Variants in KIRREL3 observed in about 807,000 individuals in gnomAD.
KIRREL3 encodes kirre like nephrin family adhesion molecule 3.
KIRREL3 carries 36 observed loss-of-function variants against 89.7 expected under a neutral mutation model. That is an observed-to-expected ratio of 0.40 (90% CI 0.31 to 0.53). KIRREL3 has a LOEUF of 0.53. Ranked by LOEUF, KIRREL3 falls within the 20% of genes least tolerant of loss-of-function variation. KIRREL3 has a pLI of 0.49. For synonymous variants in KIRREL3, 445 were observed against 441.4 expected (o/e 1.01, Z -0.10); for missense variants, 864 against 1,056.6 (o/e 0.82, Z 2.53).
intron 1 of KIRREL3, among the ~76,000 whole-genome samples, chr11:126,846,951 T>TA (rs1287937439): frequency 7.1e-6 from 1 of 141,352 alleles, no homozygotes. Context: ...AACATTTGAA[T>TA]AAAAGCATAA....
intron 1 of KIRREL3, among the ~76,000 whole-genome samples, chr11:126,699,528 T>C (rs1438215391): frequency 1.3e-5 from 2 of 152,258 alleles, no homozygotes; most frequent in African/African-American, 4.8e-5. Flanking sequence ...TAGTATGTTT[T>C]ATTTTAGTAA....
At position 126,772,512 on chromosome 11, in the gene KIRREL3, G is replaced by A. The variant is rs1008713939; in HGVS notation, c.56-209600C>T. ...CTATTCTGATGACCTGAAATGGCAT[G>A]TGTGTGACATGTGTGTTTCACCTCC... On this transcript the variant is annotated intron_variant, in intron 1 of 16. Coordinates refer to ENST00000525144, the MANE Select transcript of KIRREL3 (RefSeq NM_032531.4). This position sits in a 1 kb window ranked among gnomAD's most constrained non-coding sequence, Gnocchi z 4.6. Among the ~76,000 whole-genome samples, 2 of 152,206 alleles carry A rather than the reference G, an allele frequency of 1.3e-5. No individual in the cohort carries two copies. The highest frequency in any genetic ancestry group is 2.4e-5 in the African/African-American group (1 of 41,460).
intron 1 of KIRREL3, among the ~76,000 whole-genome samples, chr11:126,593,449 G>A (rs1363277083): frequency 6.6e-6 from 1 of 152,180 alleles, no homozygotes; most frequent in Non-Finnish European, 1.5e-5. Context: ...CCAGGGAGGG[G>A]CCCTCGTGCT....
intron 1 of KIRREL3, among the ~76,000 whole-genome samples, chr11:126,658,923 C>CAA (rs1945274317): frequency 6.6e-6 from 1 of 152,294 alleles, no homozygotes; most frequent in African/African-American, 2.4e-5. Flanking sequence ...GGAAGTTGTC[C>CAA]AAAGTGACAA....
In KIRREL3 at chr11:126,729,692, C is replaced by T. The variant is rs1294253024; in HGVS notation, c.56-166780G>A. Reference sequence around the variant, plus strand: ...GGACCCTCCGTAGATACTCATGGGGCCCCGGGCACTCCACTGGACAGGTGA... The same window carrying T: ...GGACCCTCCGTAGATACTCATGGGGTCCCGGGCACTCCACTGGACAGGTGA... On this transcript the variant is annotated intron_variant, in intron 1 of 16. Transcript: ENST00000525144. This position sits in a 1 kb window ranked among gnomAD's most constrained non-coding sequence, Gnocchi z 4.5. Among the ~76,000 whole-genome samples the T allele has an allele frequency of 9.3e-6, 1 of 107,836 alleles. No individual in the cohort carries two copies. Among genetic ancestry groups the T allele is most frequent in the Non-Finnish European group, 2.1e-5 (1 of 46,600 alleles). 70.7% of individuals were successfully genotyped at this position (107,836 alleles called of 152,430 possible). A position where few individuals can be genotyped will look rare whatever the true frequency, so the allele number is the denominator to read the frequency against.
At chr11:126,786,970 G>T (rs953836773) in intron 1 of KIRREL3, among the ~76,000 whole-genome samples, 1 of 152,342 alleles carries the variant, frequency 6.6e-6, no homozygotes, top group Middle Eastern at 3.4e-3. Context: ...AGCAGGGGTT[G>T]GAAGGGAGAG....
rs1405937192 is a variant in KIRREL3 at position 126,867,851 on chromosome 11, G to T, written c.55+132604C>A. Among the ~76,000 whole-genome samples the T allele has an allele frequency of 6.6e-6, 1 of 152,054 alleles. No homozygotes were observed. The highest frequency in any genetic ancestry group is 1.5e-5 in the Non-Finnish European group (1 of 68,014). The stretch of plus-strand genomic sequence containing the variant: ...GATTTTTAGGTTTGAGTTTAGTTCT[G>T]CAATAAAACTGTGGACTCCCCACGG... On this transcript the variant is annotated intron_variant, in intron 1 of 16. Coordinates refer to ENST00000525144, the MANE Select transcript of KIRREL3 (RefSeq NM_032531.4). The surrounding 1 kb of genome is among the most constrained non-coding windows in gnomAD (Gnocchi z 4.7).
At chr11:126,950,244 G>A (rs1323901666) in intron 1 of KIRREL3, among the ~76,000 whole-genome samples, 1 of 152,112 alleles carries the variant, frequency 6.6e-6, no homozygotes, top group Non-Finnish European at 1.5e-5. Flanking sequence ...ATGGTGGCGA[G>A]CACTCCCAGC....
At chr11:126,446,137 A>T (rs1254294444) in intron 9 of KIRREL3, among the ~76,000 whole-genome samples, 6 of 138,862 alleles carry the variant, frequency 4.3e-5, no homozygotes, top group Non-Finnish European at 9.4e-5. Context: ...AACAAGCGCA[A>T]AACTCCATCT....
At chr11:126,649,351 C>G (rs1371650645) in intron 1 of KIRREL3, among the ~76,000 whole-genome samples, 1 of 152,144 alleles carries the variant, frequency 6.6e-6, no homozygotes, top group East Asian at 1.9e-4. Flanking sequence ...CTCATTTCAC[C>G]ATTAACCCAA....
At chr11:126,850,999 GA>G (rs765773924) in intron 1 of KIRREL3, among the ~76,000 whole-genome samples, 2 of 152,240 alleles carry the variant, frequency 1.3e-5, no homozygotes, top group Non-Finnish European at 2.9e-5. Context: ...ACTAGCTGTT[GA>G]AAGTTCAGCC....
chr11:126,496,200 G>T lies in KIRREL3; in HGVS notation c.434-22734C>A, dbSNP rs1957650810. Among the ~76,000 whole-genome samples the T allele has an allele frequency of 6.6e-6, 1 of 152,212 alleles. No homozygotes were observed. On this transcript the variant is annotated intron_variant, in intron 4 of 16. Coordinates refer to ENST00000525144, the MANE Select transcript of KIRREL3 (RefSeq NM_032531.4). The surrounding 1 kb of genome is among the most constrained non-coding windows in gnomAD (Gnocchi z 4.9). ...TTATGCAGAAATTGACAACCAGACA[G>T]ATTTTGCAGAACTAGCCAGTCAACT...
At chr11:126,433,096 C>G (rs1283405839) in intron 13 of KIRREL3, among the ~76,000 whole-genome samples, 1 of 152,180 alleles carries the variant, frequency 6.6e-6, no homozygotes, top group Non-Finnish European at 1.5e-5. Flanking sequence ...CCAGGCTGGT[C>G]TCAAACTCCT....
intron 2 of KIRREL3, among the ~76,000 whole-genome samples, chr11:126,559,730 C>T (rs933825026): frequency 2.0e-5 from 3 of 151,966 alleles, no homozygotes; most frequent in African/African-American, 7.3e-5. Context: ...GGTGCAGTGG[C>T]AGGATCTTGG....
chr11:126,666,068 G>A lies in KIRREL3; in HGVS notation c.56-103156C>T, dbSNP rs908709819. On this transcript the variant is annotated intron_variant, in intron 1 of 16. Coordinates refer to ENST00000525144, the MANE Select transcript of KIRREL3 (RefSeq NM_032531.4). The surrounding 1 kb of genome is among the most constrained non-coding windows in gnomAD (Gnocchi z 4.2). ...CTTTTTATTTTGAAGGCGCTCCTCG[G>A]AGATTCTGATTTGCATCCATGGTTC... Among the ~76,000 whole-genome samples the A allele has an allele frequency of 6.6e-6, 1 of 152,170 alleles. No homozygotes were observed. Among genetic ancestry groups the A allele is most frequent in the Non-Finnish European group, 1.5e-5 (1 of 68,028 alleles).
In KIRREL3 at chr11:126,954,037, C is replaced by T. The variant is rs2135156611; in HGVS notation, c.55+46418G>A. 6.6e-6 allele frequency among the ~76,000 whole-genome samples: 1 copy of T among 152,134 alleles called. No homozygotes were observed. ...GTGTGTGTGCACAGGGGTGTGTGTG[C>T]ACATGCGTGTGCATGTGTACATGCG... is the stretch of plus-strand genomic sequence containing the variant. On this transcript the variant is annotated intron_variant, in intron 1 of 16. Coordinates refer to ENST00000525144, the MANE Select transcript of KIRREL3 (RefSeq NM_032531.4). This position sits in a 1 kb window ranked among gnomAD's most constrained non-coding sequence, Gnocchi z 4.1.
intron 4 of KIRREL3, among the ~76,000 whole-genome samples, chr11:126,497,838 C>G (rs905654066): frequency 2.6e-5 from 4 of 152,190 alleles, no homozygotes; most frequent in African/African-American, 9.7e-5. Context: ...AGTGTAGCTC[C>G]TCCTTCAGTC....
chr11:126,894,542 C>CAAAAA (rs10630231), intron 1 of KIRREL3, among the ~76,000 whole-genome samples: 201 of 17,476 alleles, frequency 0.012, 19 homozygotes, highest in East Asian at 0.049. Flanking sequence ...GACCTCATCT[C>CAAAAA]AAAAAAAAAA....
intron 1 of KIRREL3, among the ~76,000 whole-genome samples, chr11:126,671,040 A>C (rs1184655751): frequency 6.6e-6 from 1 of 152,220 alleles, no homozygotes; most frequent in Non-Finnish European, 1.5e-5. Context: ...ATAAAGGGAC[A>C]GTGTTTTCAA....
Sources: gnomAD v4.1 joint callset for allele counts (sites outside exome capture counted in the v4.1 genomes callset) on GRCh38, gnomAD v4.1.1 for gene constraint, Gnocchi (gnomAD v3.1) non-coding constraint, MANE v1.5 for transcripts, NCBI Gene and HGNC (gene_info 2026-07-23, HGNC 2026-07-21) for gene names.